The following PRSS48 variants were observed in gnomAD, a reference collection of about 807,000 sequenced individuals.
The protein encoded by PRSS48 is serine protease 48, also known as epidermis-specific serine protease-like protein.
A neutral mutation model predicts 25.6 loss-of-function variants in PRSS48; 21 were observed. That is an observed-to-expected ratio of 0.82 (90% confidence interval 0.58 to 1.18). The LOEUF (loss-of-function observed/expected upper bound fraction) is 1.18. PRSS48 is among the 50% of genes most tolerant of loss of function. The probability of loss-of-function intolerance (pLI) is 0.00; values close to 1 mark genes in which losing one functional copy is unlikely to be tolerated. For synonymous variants in PRSS48, 150 were observed against 149.3 expected, an observed-to-expected ratio of 1.00 and a Z score of -0.04; for missense variants, 373 against 399.3, an observed-to-expected ratio of 0.93 and a Z score of 0.56.
At chr4:151,277,251 G>C in intron 1 of PRSS48, 27 bp downstream of exon 1, 1 of 1,465,988 alleles carries the variant, frequency 6.8e-7, no homozygotes, top group South Asian at 1.4e-5. Context: ...GGTTGAGAAG[G>C]CAGAGGCAGA....
At chr4:151,287,055 AGG>A (rs1774870442) in intron 4 of PRSS48, among the ~76,000 whole-genome samples, 1 of 150,992 alleles carries the variant, frequency 6.6e-6, no homozygotes, top group Non-Finnish European at 1.5e-5. Context: ...AAAATAAAAG[AGG>A]GGACTGGGCA....
chr4:151,279,240 A>T (rs1580387240), intron 1 of PRSS48: 8 of 207,226 alleles, frequency 3.9e-5, no homozygotes, highest in Non-Finnish European at 7.7e-5. Flanking sequence ...TTCTTTTTCA[A>T]TTTTTTTTTT....
intron 4 of PRSS48, among the ~76,000 whole-genome samples, chr4:151,286,105 C>T (rs1774730427): frequency 7.1e-6 from 1 of 140,940 alleles, no homozygotes; most frequent in Non-Finnish European, 1.5e-5. Flanking sequence ...TGCTAGAGCC[C>T]AGGAGTTCAA....
exon 1 of PRSS48, chr4:151,277,211 G>A: frequency 2.0e-6 from 3 of 1,503,412 alleles, no homozygotes; most frequent in Non-Finnish European, 2.7e-6. Context: ...TGCTCCTTCT[G>A]CTGGGGATCT....
exon 1 of PRSS48, chr4:151,277,178 C>A: frequency 6.7e-7 from 1 of 1,486,832 alleles, no homozygotes. Context: ...GAGACATGGG[C>A]CCTGCTGGCT....
chr4:151,278,030 G>C (rs1246447112), intron 1 of PRSS48, among the ~76,000 whole-genome samples: 1 of 151,626 alleles, frequency 6.6e-6, no homozygotes, highest in African/African-American at 2.4e-5. Flanking sequence ...GACAGAGTAA[G>C]ACCCCGTCCC....
At chr4:151,289,402 T>C (rs551265883) in intron 4 of PRSS48, among the ~76,000 whole-genome samples, 112 of 152,298 alleles carry the variant, frequency 7.4e-4, no homozygotes, top group Non-Finnish European at 8.5e-4. Context: ...TTCAGAACTT[T>C]TATGCTTCAA....
At chr4:151,282,525 T>C in intron 3 of PRSS48, 112 bp downstream of exon 3, 3 of 1,037,570 alleles carry the variant, frequency 2.9e-6, no homozygotes, top group South Asian at 3.3e-5. Context: ...CAAAACCAGA[T>C]CAATCTAATG....
At chr4:151,282,199 T>A in exon 3 of PRSS48, 1 of 1,613,946 alleles carries the variant, frequency 6.2e-7, no homozygotes, top group Non-Finnish European at 8.5e-7. Context: ...TTACAGTAGG[T>A]GACTCAAGGA....
chr4:151,282,871 G>A (rs1390450852), intron 3 of PRSS48, among the ~76,000 whole-genome samples: 3 of 151,952 alleles, frequency 2.0e-5, no homozygotes, highest in African/African-American at 4.8e-5. Flanking sequence ...AGAATTTATC[G>A]GAAGTACTCA....
exon 2 of PRSS48, chr4:151,279,931 T>C: frequency 6.2e-7 from 1 of 1,613,484 alleles, no homozygotes; most frequent in Non-Finnish European, 8.5e-7. Context: ...GAGAGGTTGA[T>C]ACTGACAGCA....
At chr4:151,284,261 A>G (rs1314149463) in intron 4 of PRSS48, among the ~76,000 whole-genome samples, 1 of 152,058 alleles carries the variant, frequency 6.6e-6, no homozygotes, top group Admixed American at 6.6e-5. Context: ...TTTTATTTTT[A>G]TGTTTTTCTC....
At chr4:151,282,976 C>A in intron 3 of PRSS48, 141 bp from the exon 4 acceptor site, 1 of 641,982 alleles carries the variant, frequency 1.6e-6, no homozygotes, top group South Asian at 2.8e-5. Flanking sequence ...CCAAAAGATC[C>A]ACCCATAAGC....
intron 2 of PRSS48, among the ~76,000 whole-genome samples, chr4:151,280,524 A>G (rs1774111778): frequency 6.6e-6 from 1 of 152,250 alleles, no homozygotes; most frequent in African/African-American, 2.4e-5. Flanking sequence ...TGAGATAAAT[A>G]TTTGTTGTTT....
intron 2 of PRSS48, 66 bp downstream of exon 2, chr4:151,280,024 T>C: frequency 1.0e-6 from 1 of 971,150 alleles, no homozygotes; most frequent in Non-Finnish European, 1.4e-6. Flanking sequence ...ACTTCATGAA[T>C]GAACCAAAAG....
intron 1 of PRSS48, chr4:151,279,194 TAGAGAAAGA>T: frequency 3.4e-6 from 1 of 290,056 alleles, no homozygotes; most frequent in Non-Finnish European, 6.6e-6. Context: ...ACCAGCACAC[TAGAGAAAGA>T]AGAGAAAGAG....
intron 2 of PRSS48, among the ~76,000 whole-genome samples, chr4:151,281,441 G>A (rs1430498961): frequency 6.6e-6 from 1 of 152,184 alleles, no homozygotes; most frequent in Admixed American, 6.5e-5. Flanking sequence ...TGGCTAGGAG[G>A]ATGGGTGGAA....
At chr4:151,277,778 C>T (rs1237426044) in intron 1 of PRSS48, among the ~76,000 whole-genome samples, 3 of 152,168 alleles carry the variant, frequency 2.0e-5, no homozygotes, top group South Asian at 2.1e-4. Flanking sequence ...CAGCAGCTCA[C>T]GCCTGTAATC....
intron 1 of PRSS48, among the ~76,000 whole-genome samples, 188 bp from the exon 2 acceptor site, chr4:151,279,608 C>T (rs1200159964): frequency 6.6e-6 from 1 of 152,166 alleles, no homozygotes; most frequent in East Asian, 1.9e-4. Flanking sequence ...GAAAGAGCTA[C>T]AATCAGGGGA....
Sources: gnomAD v4.1 joint callset for allele counts (sites outside exome capture counted in the v4.1 genomes callset) on GRCh38, gnomAD v4.1.1 for gene constraint, MANE v1.5 for transcripts, NCBI Gene and HGNC (gene_info 2026-07-23, HGNC 2026-07-21) for gene names.